The following C7 variants were observed in gnomAD, a reference collection of about 807,000 sequenced individuals.
The protein encoded by C7 is complement C7.
A neutral mutation model predicts 104.8 loss-of-function variants in C7; 83 were observed. That is an observed-to-expected ratio of 0.79 (90% CI 0.66 to 0.95). The LOEUF is 0.95. Among genes scored for constraint, C7 ranks in the 40% least tolerant of loss-of-function variants. The pLI, the probability that C7 is intolerant of heterozygous loss-of-function variation, is 0.00. For missense variants in C7, 1,070 were observed against 1,011.2 expected (o/e 1.06, Z -0.79); for synonymous variants, 415 against 360.6 (o/e 1.15, Z -1.71).
chr5:40,961,180 A>G (rs774814878), intron 12 of C7, among the ~76,000 whole-genome samples: 1 of 152,168 alleles, frequency 6.6e-6, no homozygotes, highest in African/African-American at 2.4e-5. Context: ...CAGCTTTGGT[A>G]TTTATTAGTT....
intron 15 of C7, among the ~76,000 whole-genome samples, chr5:40,972,973 T>A (rs1340016948): frequency 3.3e-5 from 5 of 152,230 alleles, no homozygotes; most frequent in Non-Finnish European, 1.5e-5. Context: ...GAGATCATAA[T>A]TTATTTAAAG....
In C7 at chr5:40,979,666, CCTT is replaced by C. The variant is rs1740898491; in HGVS notation, c.2166-56_2166-54del. ...GCTCAGAGCATCACTTTTCATTTCTCCTTCTCAGCTTTTACGAACAAAAATCTT... is the reference window on the plus strand; with the variant it reads ...GCTCAGAGCATCACTTTTCATTTCTCCTCAGCTTTTACGAACAAAAATCTT... On this transcript the variant is annotated intron_variant, in intron 16 of 17. Transcript: ENST00000313164. 5.6e-6 allele frequency: 8 copies of C among 1,434,356 alleles called. No individual in the cohort carries two copies. The South Asian group carries it at 1.1e-4, about 19-fold the overall frequency. 88.9% of individuals were successfully genotyped at this position (1,434,356 alleles called of 1,614,324 possible).
At chr5:40,974,446 C>T (rs1262620917) in intron 15 of C7, among the ~76,000 whole-genome samples, 4 of 146,368 alleles carry the variant, frequency 2.7e-5, no homozygotes, top group African/African-American at 5.1e-5. Context: ...GATGCAGTCT[C>T]GTTCTGTCAC....
Position 40,981,749 on chromosome 5 carries a change from A to G in C7, c.*176A>G, listed in dbSNP as rs1740951922. ...CCTTTGTTCTCCCAAATCTGAATCG[A>G]ATTACTCTTTTGCCTCCTTTTTAAT... On this transcript the variant is annotated 3_prime_UTR_variant, in exon 18 of 18. Coordinates refer to ENST00000313164, the MANE Select transcript of C7 (RefSeq NM_000587.4). The G allele has an allele frequency of 3.8e-6, 2 of 529,740 alleles. No individual in the cohort carries two copies. Among genetic ancestry groups the G allele is most frequent in the Non-Finnish European group, 6.5e-6 (2 of 307,320 alleles). The allele number at this position is 529,740 out of a possible 1,614,324, so 32.8% of individuals were successfully genotyped here. A position where few individuals can be genotyped will look rare whatever the true frequency, so the allele number is the denominator to read the frequency against.
chr5:40,946,157 A>G (rs1254635474), intron 7 of C7, among the ~76,000 whole-genome samples: 1 of 151,876 alleles, frequency 6.6e-6, no homozygotes, highest in Admixed American at 6.6e-5. Context: ...AAAATACTTT[A>G]AAAACACTTT....
Position 40,938,768 on chromosome 5 carries a change from C to T in C7, c.567+1078C>T, listed in dbSNP as rs191182309. Reference sequence around the variant, plus strand: ...TATTTCTGTCATACACACCTAAACTCACCCGTGAGTAGGTTTTGATCAACA... The same window carrying T: ...TATTTCTGTCATACACACCTAAACTTACCCGTGAGTAGGTTTTGATCAACA... On this transcript the variant is annotated intron_variant, in intron 6 of 17. Coordinates refer to ENST00000313164, the MANE Select transcript of C7 (RefSeq NM_000587.4). Among the ~76,000 whole-genome samples the T allele has an allele frequency of 2.0e-5, 3 of 152,286 alleles. No individual in the cohort carries two copies. The East Asian group carries it at 5.8e-4, about 29-fold the overall frequency.
intron 1 of C7, among the ~76,000 whole-genome samples, chr5:40,914,501 C>T (rs905686289): frequency 8.6e-5 from 13 of 152,024 alleles, no homozygotes; most frequent in Non-Finnish European, 1.9e-4. Context: ...GTTTTTGTTG[C>T]TTGTGCTTTT....
chr5:40,972,200 G>A (rs915675441), intron 14 of C7: 2 of 596,436 alleles, frequency 3.4e-6, no homozygotes, highest in Non-Finnish European at 6.0e-6. Context: ...GAGCTGTTTT[G>A]GTTTTTAGAT....
chr5:40,964,624 C>A, intron 13 of C7, 117 bp from the exon 14 acceptor site: 1 of 839,936 alleles, frequency 1.2e-6, no homozygotes, highest in South Asian at 1.8e-5. Context: ...TTTTCTGAAT[C>A]AATTAAATGT....
In C7 at chr5:40,962,181, T is replaced by C. The variant is rs1344885451; in HGVS notation, c.1749+9T>C. ...AAGATGGATTTGTTCAAGTTGGTTA[T>C]GAAAGATATTTTTTTCCTTTATAAT... On this transcript the variant is annotated intron_variant, in intron 13 of 17. Coordinates refer to ENST00000313164, the MANE Select transcript of C7 (RefSeq NM_000587.4). The C allele has an allele frequency of 3.3e-6, 5 of 1,500,800 alleles. No individual in the cohort carries two copies. In the East Asian group the frequency reaches 7.1e-5, roughly 21 times the overall value. The allele number at this position is 1,500,800 out of a possible 1,614,324, so 93.0% of individuals were successfully genotyped here.
In C7 at chr5:40,981,834, C is replaced by G; in HGVS notation, c.*261C>G. 1 of 321,148 alleles carries G rather than the reference C, an allele frequency of 3.1e-6. No homozygotes were observed. The highest frequency in any genetic ancestry group is 8.5e-4 in the Middle Eastern group (1 of 1,178). 19.9% of individuals were successfully genotyped at this position (321,148 alleles called of 1,614,324 possible). A position where few individuals can be genotyped will look rare whatever the true frequency, so the allele number is the denominator to read the frequency against. On this transcript the variant is annotated 3_prime_UTR_variant, in exon 18 of 18. Transcript: ENST00000313164. ...TGCGTGTTCTTGAAATAGGTGTTAC[C>G]TTCTCTGGGCCTTGGTTTTTTAAAA...
chr5:40,917,472 G>C (rs1293066117), intron 1 of C7, among the ~76,000 whole-genome samples: 1 of 151,896 alleles, frequency 6.6e-6, no homozygotes, highest in Non-Finnish European at 1.5e-5. Context: ...TTTTTTTAAG[G>C]CCAAGTACTA....
At chr5:40,913,825 G>A (rs181207022) in intron 1 of C7, among the ~76,000 whole-genome samples, 1 of 152,194 alleles carries the variant, frequency 6.6e-6, no homozygotes, top group Non-Finnish European at 1.5e-5. Context: ...GACTACAGGT[G>A]CGTGCCAACA....
At chr5:40,957,341 G>T (rs1427331224) in intron 10 of C7, among the ~76,000 whole-genome samples, 2 of 152,204 alleles carry the variant, frequency 1.3e-5, no homozygotes, top group Non-Finnish European at 2.9e-5. Flanking sequence ...CATGAGGAAA[G>T]AATCCATGAT....
At chr5:40,938,057 T>C (rs1335593177) in intron 6 of C7, among the ~76,000 whole-genome samples, 1 of 152,140 alleles carries the variant, frequency 6.6e-6, no homozygotes, top group East Asian at 1.9e-4. Context: ...AATGCTTTTA[T>C]TTTAAAATTG....
At position 40,959,703 on chromosome 5, in the gene C7, G is replaced by A. The variant is rs113252729; in HGVS notation, c.1661+83G>A. 571 of 1,097,736 alleles carry A rather than the reference G, an allele frequency of 5.2e-4. 4 individuals carry two copies. In the African/African-American group the frequency reaches 5.8e-3, roughly 11 times the overall value. The allele number at this position is 1,097,736 out of a possible 1,614,324, so 68.0% of individuals were successfully genotyped here. ...CATGGAACACATGATTGCTGCTGTC[G>A]AGAGATTTAGAAGTTAAATGGCTAT... On this transcript the variant is annotated intron_variant, in intron 12 of 17. Coordinates refer to ENST00000313164, the MANE Select transcript of C7 (RefSeq NM_000587.4).
At chr5:40,974,643 C>A (rs1740775996) in intron 15 of C7, among the ~76,000 whole-genome samples, 1 of 152,126 alleles carries the variant, frequency 6.6e-6, no homozygotes, top group African/African-American at 2.4e-5. Flanking sequence ...TGGTCCCGAT[C>A]TCCTGACCTC....
intron 11 of C7, 110 bp downstream of exon 11, chr5:40,958,371 T>A (rs747201241): frequency 4.8e-6 from 3 of 630,936 alleles, no homozygotes; most frequent in Non-Finnish European, 7.7e-6. Flanking sequence ...AAGTCTCAAA[T>A]GAATTTAGAA....
rs1028857307 is a variant in C7 at position 40,930,308 on chromosome 5, C to G, written c.63-756C>G. Reference sequence around the variant, plus strand: ...GCAACCTCTGCCTCCCAGGTTCAAGCAATTCTCCTGTCTCAGCCTCCCAAG... The same window carrying G: ...GCAACCTCTGCCTCCCAGGTTCAAGGAATTCTCCTGTCTCAGCCTCCCAAG... On this transcript the variant is annotated intron_variant, in intron 2 of 17. Transcript: ENST00000313164. 2.0e-5 allele frequency among the ~76,000 whole-genome samples: 3 copies of G among 146,626 alleles called. No homozygotes were observed. In the Admixed American group the frequency reaches 2.1e-4, roughly 10 times the overall value.
Sources: gnomAD v4.1 joint callset for allele counts (sites outside exome capture counted in the v4.1 genomes callset) on GRCh38, gnomAD v4.1.1 for gene constraint, MANE v1.5 for transcripts, NCBI Gene and HGNC (gene_info 2026-07-23, HGNC 2026-07-21) for gene names.